Variants in TLL2 observed in about 807,000 individuals in gnomAD.
TLL2 encodes tolloid like 2.
In TLL2, 106 loss-of-function variants were observed where a neutral mutation model predicts 123.0. The ratio of observed to expected loss-of-function variants is 0.86; its 90% CI spans 0.74 to 1.01. The LOEUF is 1.01. Ranked by LOEUF, TLL2 falls within the 50% of genes least tolerant of loss-of-function variation. The probability of loss-of-function intolerance (pLI) is 0.00; values close to 1 mark genes in which losing one functional copy is unlikely to be tolerated. For missense variants in TLL2, 1,332 were observed against 1,336.7 expected, an observed-to-expected ratio of 1.00 and a Z score of 0.06; for synonymous variants, 494 against 516.8, an observed-to-expected ratio of 0.96 and a Z score of 0.60.
intron 18 of TLL2, 57 bp from the exon 19 acceptor site, chr10:96,373,866 G>A: frequency 2.6e-6 from 4 of 1,534,244 alleles, no homozygotes; most frequent in Non-Finnish European, 3.6e-6. Flanking sequence ...TGGGGTGGGG[G>A]CCTCCTTTCC....
At chr10:96,414,122 G>A (rs1846532530) in intron 7 of TLL2, among the ~76,000 whole-genome samples, 1 of 152,108 alleles carries the variant, frequency 6.6e-6, no homozygotes, top group South Asian at 2.1e-4. Context: ...GCCCTGTTGT[G>A]GGCATGGTTT....
chr10:96,476,240 A>ATATATATATATATTTTT, intron 2 of TLL2, among the ~76,000 whole-genome samples: 1 of 20,498 alleles, frequency 4.9e-5, no homozygotes, highest in African/African-American at 1.7e-4. Context: ...ATATATATAT[A>ATATATATATATATTTTT]TTTTATTTTT....
chr10:96,476,241 T>TATATATATATATATATATA (rs1554939631), intron 2 of TLL2, among the ~76,000 whole-genome samples: 79 of 72,250 alleles, frequency 1.1e-3, no homozygotes, highest in Non-Finnish European at 1.5e-3. Context: ...TATATATATA[T>TATATATATATATATATATA]TTTATTTTTG....
intron 16 of TLL2, among the ~76,000 whole-genome samples, chr10:96,380,790 C>T (rs566219726): frequency 4.8e-5 from 7 of 146,992 alleles, no homozygotes; most frequent in African/African-American, 1.5e-4. Context: ...GAGGCCGAGG[C>T]GGGTGGATCA....
chr10:96,466,864 AG>A (rs986767170), intron 2 of TLL2, among the ~76,000 whole-genome samples: 6 of 152,242 alleles, frequency 3.9e-5, no homozygotes, highest in African/African-American at 1.4e-4. Flanking sequence ...AAAGAACCAA[AG>A]GACTCATTCT....
At chr10:96,484,973 T>C (rs554085868) in intron 1 of TLL2, among the ~76,000 whole-genome samples, 2 of 152,356 alleles carry the variant, frequency 1.3e-5, no homozygotes, top group South Asian at 4.1e-4. Flanking sequence ...TTGAGACTCA[T>C]GCTCCTCACA....
At chr10:96,471,249 C>T (rs545200115) in intron 2 of TLL2, among the ~76,000 whole-genome samples, 1 of 152,176 alleles carries the variant, frequency 6.6e-6, no homozygotes, top group African/African-American at 2.4e-5. Flanking sequence ...AAGCAATCCA[C>T]CTGCCTTGGC....
intron 1 of TLL2, among the ~76,000 whole-genome samples, chr10:96,490,510 A>G (rs1054200927): frequency 1.3e-5 from 2 of 152,246 alleles, no homozygotes; most frequent in African/African-American, 4.8e-5. Flanking sequence ...TGTGAAAAGT[A>G]GGGAACTAAG....
At chr10:96,436,085 A>G (rs1846792709) in intron 3 of TLL2, among the ~76,000 whole-genome samples, 1 of 152,192 alleles carries the variant, frequency 6.6e-6, no homozygotes, top group Non-Finnish European at 1.5e-5. Context: ...CAATTTTTCC[A>G]TAAAAGGCCA....
chr10:96,429,687 G>A (rs1206680492), intron 4 of TLL2, among the ~76,000 whole-genome samples: 1 of 152,212 alleles, frequency 6.6e-6, no homozygotes, highest in Non-Finnish European at 1.5e-5. Context: ...TTTTAGACCT[G>A]TAGGGGGGTG....
intron 10 of TLL2, among the ~76,000 whole-genome samples, chr10:96,403,980 T>G (rs1196836135): frequency 6.6e-6 from 1 of 152,080 alleles, no homozygotes. Flanking sequence ...TTGAACTTAA[T>G]TATGACATAG....
At position 96,513,918 on chromosome 10, in the gene TLL2, T is replaced by A. The variant is rs1041919420; in HGVS notation, c.-233A>T. On this transcript the variant is annotated 5_prime_UTR_variant, in exon 1 of 21. Transcript: ENST00000357947. ...GCCCGGCGGCCGAGGCTGCGGCGGC[T>A]GCGAGTGTGGCGGTGGCGGCGGTGG... The A allele has an allele frequency of 1.6e-5, 8 of 498,814 alleles. No individual in the cohort carries two copies. The African/African-American group carries it at 1.6e-4, about 10-fold the overall frequency. 30.9% of individuals were successfully genotyped at this position (498,814 alleles called of 1,614,324 possible). A position where few individuals can be genotyped will look rare whatever the true frequency, so the allele number is the denominator to read the frequency against.
At chr10:96,481,604 G>A (rs1418922158) in intron 1 of TLL2, among the ~76,000 whole-genome samples, 3 of 152,182 alleles carry the variant, frequency 2.0e-5, no homozygotes, top group Admixed American at 6.5e-5. Context: ...ATGCAGTGAC[G>A]GTGACGAAGT....
At position 96,370,255 on chromosome 10, in the gene TLL2, A is replaced by G. The variant is rs775454006; in HGVS notation, c.2723T>C (p.Phe908Ser). 2.7e-5 allele frequency: 44 copies of G among 1,612,306 alleles called. No homozygotes were observed. The East Asian group carries it at 6.7e-4, about 25-fold the overall frequency. Residue 908 changes from phenylalanine to serine, a missense_variant, in exon 20 of 21, where the codon TTT becomes TCT. Coordinates refer to ENST00000357947, the MANE Select transcript of TLL2 (RefSeq NM_012465.4). The part of the protein sequence containing the change: ...QTKELYSHAQ[F>S]GDNNYPSEAR... ...CTCGCTCGGGTAGTTGTTGTCCCCA[A>G]ACTGGGCGTGGGAATAGAGCTCTTT...
chr10:96,436,016 T>C (rs2134082631), intron 3 of TLL2, among the ~76,000 whole-genome samples: 1 of 152,370 alleles, frequency 6.6e-6, no homozygotes, highest in East Asian at 1.9e-4. Context: ...TCTGTGTGTG[T>C]TATTGATTTC....
At chr10:96,446,242 C>G in intron 2 of TLL2, 74 bp from the exon 3 acceptor site, 1 of 1,401,052 alleles carries the variant, frequency 7.1e-7, no homozygotes, top group Non-Finnish European at 1.0e-6. Context: ...GATGAGGGAG[C>G]AAACCTGGTC....
intron 3 of TLL2, among the ~76,000 whole-genome samples, chr10:96,445,356 T>C (rs1846888466): frequency 6.6e-6 from 1 of 152,102 alleles, no homozygotes; most frequent in Non-Finnish European, 1.5e-5. Context: ...AATAGATGTG[T>C]CCAGTGATCT....
chr10:96,434,256 T>C (rs1426572226), intron 3 of TLL2, among the ~76,000 whole-genome samples: 1 of 152,236 alleles, frequency 6.6e-6, no homozygotes, highest in Admixed American at 6.5e-5. Context: ...GCTTTTAGTA[T>C]TTTCACAAAG....
chr10:96,384,632 C>T lies in TLL2; in HGVS notation c.2149G>A (p.Asp717Asn). 1.2e-6 allele frequency: 2 copies of T among 1,608,028 alleles called. No individual in the cohort carries two copies. Among genetic ancestry groups the T allele is most frequent in the Non-Finnish European group, 1.7e-6 (2 of 1,175,974 alleles). The part of the protein sequence containing the change: ...SNNMRVEFKS[D>N]NTVSKRGFRA... ...AAGCCGCGCTTGGAGACGGTGTTGT[C>T]GGACTTGAACTCCACGCGCATGTTG... The change falls in exon 16 of 21, where the codon GAC becomes AAC. Residue 717 changes from aspartate to asparagine, a missense_variant. By Grantham distance (23) the Asp-to-Asn change is conservative. Coordinates refer to ENST00000357947, the MANE Select transcript of TLL2 (RefSeq NM_012465.4).
Sources: allele counts gnomAD v4.1 joint callset (sites outside exome capture counted in the v4.1 genomes callset), GRCh38; gene constraint gnomAD v4.1.1; transcripts MANE v1.5; gene names NCBI Gene and HGNC (gene_info 2026-07-23, HGNC 2026-07-21).